CAPN14: variants seen among roughly 807,000 people sequenced by gnomAD.
The protein encoded by CAPN14 is calpain-14.
Under a neutral mutation model 101.3 loss-of-function variants are expected in CAPN14, and 94 were observed. That is an observed-to-expected ratio of 0.93 (90% CI 0.79 to 1.10). CAPN14 has a LOEUF of 1.10. Among genes scored for constraint, CAPN14 ranks in the 50% least tolerant of loss-of-function variants. The probability of loss-of-function intolerance (pLI) is 0.00; values close to 1 mark genes in which losing one functional copy is unlikely to be tolerated. For synonymous variants in CAPN14, 338 were observed against 317.9 expected (o/e 1.06, Z -0.67); for missense variants, 837 against 828.4 (o/e 1.01, Z -0.13).
chr2:31,189,289 T>C lies in CAPN14; in HGVS notation c.1477A>G (p.Arg493Gly), dbSNP rs1359345545. The C allele has an allele frequency of 2.6e-6, 4 of 1,551,330 alleles. No individual in the cohort carries two copies. The highest frequency in any genetic ancestry group is 3.5e-6 in the Non-Finnish European group (4 of 1,147,002). ...TGTCCTTACTAAAAGATGTGCTTCC[T>C]GGAGAAGACCCTGAGGACGAACTCT... ...KSEFVLRVFS[R>G]KHIFYEIGSN... Residue 493 changes from arginine (R) to glycine (G), a missense_variant, in exon 13 of 22, where the codon AGG (arginine) becomes GGG (glycine). Coordinates refer to ENST00000403897, the MANE Select transcript of CAPN14 (RefSeq NM_001145122.2).
intron 1 of CAPN14, among the ~76,000 whole-genome samples, chr2:31,229,462 T>C (rs916143439): frequency 1.3e-5 from 2 of 151,904 alleles, no homozygotes; most frequent in African/African-American, 2.4e-5. Context: ...GTATTCACTA[T>C]CAAATTTGAG....
At chr2:31,184,142 C>A (rs1396729895) in intron 16 of CAPN14, among the ~76,000 whole-genome samples, 1 of 152,168 alleles carries the variant, frequency 6.6e-6, no homozygotes, top group Non-Finnish European at 1.5e-5. Context: ...CTGGGCCTCC[C>A]AAAGTGCTGG....
chr2:31,227,906 G>A (rs186856146), intron 1 of CAPN14, among the ~76,000 whole-genome samples: 1 of 152,182 alleles, frequency 6.6e-6, no homozygotes, highest in African/African-American at 2.4e-5. Context: ...TGGGGAGAGG[G>A]GCACAGCCTT....
chr2:31,188,297 G>A (rs1314264163), intron 14 of CAPN14, 21 bp downstream of exon 14: 3 of 1,549,870 alleles, frequency 1.9e-6, no homozygotes, highest in Non-Finnish European at 2.6e-6. Flanking sequence ...CAGCCATATG[G>A]AATTCCACCA....
In CAPN14 at chr2:31,174,233, C is replaced by T. The variant is rs1461732337; in HGVS notation, c.*448G>A. 1 of 186,884 alleles carries T rather than the reference C, an allele frequency of 5.4e-6. No homozygotes were observed. The highest frequency in any genetic ancestry group is 5.8e-5 in the Admixed American group (1 of 17,364). The allele number at this position is 186,884 out of a possible 1,614,324, so 11.6% of individuals were successfully genotyped here. A position where few individuals can be genotyped will look rare whatever the true frequency, so the allele number is the denominator to read the frequency against. ...CTCTATCAATTTGCAGATGCTGGGA[C>T]TAAATGTCTAAGGATATATCATTCC... On this transcript the variant is annotated 3_prime_UTR_variant, in exon 22 of 22. Transcript: ENST00000403897.
intron 1 of CAPN14, among the ~76,000 whole-genome samples, chr2:31,233,222 G>A (rs1432330553): frequency 6.6e-6 from 1 of 152,068 alleles, no homozygotes; most frequent in African/African-American, 2.4e-5. Flanking sequence ...CCCCATCTCT[G>A]GCAAAGCCTT....
chr2:31,181,343 C>A lies in CAPN14; in HGVS notation c.1646-343G>T, dbSNP rs184807777. The stretch of plus-strand genomic sequence containing the variant: ...AGGTCAACTTGTTCAAGCTCCCAAC[C>A]AAACTGGGGGATTCTTTCCTCAGGT... On this transcript the variant is annotated intron_variant, in intron 16 of 21. Coordinates refer to ENST00000403897, the MANE Select transcript of CAPN14 (RefSeq NM_001145122.2). Among the ~76,000 whole-genome samples the A allele has an allele frequency of 6.9e-3, 1,051 of 152,010 alleles. 7 individuals are homozygous for A. The highest frequency in any genetic ancestry group is 0.013 in the East Asian group (68 of 5,158).
chr2:31,218,666 T>A (rs1326039052), upstream of CAPN14, among the ~76,000 whole-genome samples: 1 of 152,190 alleles, frequency 6.6e-6, no homozygotes, highest in Non-Finnish European at 1.5e-5. Context: ...GCTATTATTA[T>A]CCACATTCTA....
chr2:31,184,180 G>A (rs1376997108), intron 16 of CAPN14, among the ~76,000 whole-genome samples: 2 of 152,188 alleles, frequency 1.3e-5, no homozygotes, highest in African/African-American at 2.4e-5. Context: ...ACCGCGCCCG[G>A]CCCTCCTCAG....
intron 1 of CAPN14, among the ~76,000 whole-genome samples, chr2:31,206,038 ATT>A (rs113792962): frequency 6.1e-5 from 6 of 98,582 alleles, no homozygotes; most frequent in African/African-American, 2.0e-4. Context: ...TTATTTATTT[ATT>A]TTTTTTTTTT....
chr2:31,177,413 C>T (rs763921245), intron 19 of CAPN14, among the ~76,000 whole-genome samples: 2 of 152,186 alleles, frequency 1.3e-5, no homozygotes, highest in Non-Finnish European at 2.9e-5. Flanking sequence ...AGGCAGTCTG[C>T]TAAGTGCTCA....
At chr2:31,177,686 G>A in intron 19 of CAPN14, 60 bp downstream of exon 19, 1 of 1,243,298 alleles carries the variant, frequency 8.0e-7, no homozygotes, top group Non-Finnish European at 1.2e-6. Context: ...CCTCTCCTCT[G>A]CCTGATGAGT....
chr2:31,178,783 G>A (rs561967224), intron 17 of CAPN14, among the ~76,000 whole-genome samples: 2 of 152,040 alleles, frequency 1.3e-5, no homozygotes, highest in Admixed American at 6.6e-5. Context: ...AACAGAATGA[G>A]CCCAGAGCAC....
intron 16 of CAPN14, among the ~76,000 whole-genome samples, chr2:31,183,273 T>C (rs1313939083): frequency 2.0e-5 from 3 of 152,156 alleles, no homozygotes; most frequent in East Asian, 3.8e-4. Flanking sequence ...GACATAGGCA[T>C]GGGCAAGGAC....
chr2:31,212,692 T>C (rs1682462514), intron 1 of CAPN14, among the ~76,000 whole-genome samples: 1 of 152,252 alleles, frequency 6.6e-6, no homozygotes, highest in African/African-American at 2.4e-5. Context: ...GTCCCTGCCC[T>C]GATGTTCAGT....
chr2:31,189,967 C>T (rs1456158971), intron 12 of CAPN14, among the ~76,000 whole-genome samples: 2 of 148,816 alleles, frequency 1.3e-5, no homozygotes, highest in African/African-American at 5.0e-5. Flanking sequence ...TGGACCACGA[C>T]CACCTCCCCA....
chr2:31,210,162 G>A, intron 1 of CAPN14, among the ~76,000 whole-genome samples: 1 of 152,146 alleles, frequency 6.6e-6, no homozygotes, highest in African/African-American at 2.4e-5. Context: ...GTTCAGTCAG[G>A]GCCAGGAGCG....
At chr2:31,200,983 C>T (rs773698280) in intron 5 of CAPN14, among the ~76,000 whole-genome samples, 27 of 152,128 alleles carry the variant, frequency 1.8e-4, no homozygotes, top group African/African-American at 3.6e-4. Flanking sequence ...AAGCTGCTTG[C>T]GGGAAACCTG....
chr2:31,191,217 G>T (rs1335590645), intron 12 of CAPN14, among the ~76,000 whole-genome samples, 182 bp downstream of exon 12: 1 of 152,030 alleles, frequency 6.6e-6, no homozygotes, highest in African/African-American at 2.4e-5. Flanking sequence ...GGATAAAAAA[G>T]ATTAACAGAT....
Sources: gnomAD v4.1 joint callset for allele counts (sites outside exome capture counted in the v4.1 genomes callset) on GRCh38, gnomAD v4.1.1 for gene constraint, MANE v1.5 for transcripts, NCBI Gene and HGNC (gene_info 2026-07-23, HGNC 2026-07-21) for gene names.